The following PLAC1 variants were observed in gnomAD, a reference collection of about 807,000 sequenced individuals.
PLAC1 encodes the protein placenta associated 1.
For missense variants in PLAC1, 136 were observed against 163.2 expected (o/e 0.83, Z 0.91); for synonymous variants, 68 against 62.1 (o/e 1.09, Z -0.44).
intron 1 of PLAC1, among the ~76,000 whole-genome samples, chrX:134,735,088 T>C (rs375841676): frequency 8.0e-5 from 9 of 112,003 alleles, no homozygotes; most frequent in African/African-American, 2.9e-4. Context: ...ATATCACCTA[T>C]ATTTTCTTGT....
At chrX:134,610,510 C>G (rs1482385286) in intron 1 of PLAC1, among the ~76,000 whole-genome samples, 2 of 111,709 alleles carry the variant, frequency 1.8e-5, no homozygotes, top group Non-Finnish European at 3.8e-5. Context: ...TCCCAGGAAT[C>G]CTTGTCAACG....
chrX:134,580,971 A>G (rs1158008780), intron 2 of PLAC1, among the ~76,000 whole-genome samples: 2 of 112,116 alleles, frequency 1.8e-5, no homozygotes, highest in African/African-American at 3.2e-5. Flanking sequence ...GACTCACCCA[A>G]TAAATCTTCC....
chrX:134,596,611 T>C (rs2078063290), intron 2 of PLAC1, among the ~76,000 whole-genome samples: 1 of 111,949 alleles, frequency 8.9e-6, no homozygotes, highest in Admixed American at 9.5e-5. Flanking sequence ...CTTTTCTTTT[T>C]TGAGACAGAG....
chrX:134,698,970 C>T, intron 2 of PLAC1, among the ~76,000 whole-genome samples: 1 of 111,461 alleles, frequency 9.0e-6, no homozygotes, highest in Non-Finnish European at 1.9e-5. Context: ...CTCCTCTTTT[C>T]CTTACCCTCA....
At chrX:134,587,366 G>A (rs2078009219) in intron 2 of PLAC1, among the ~76,000 whole-genome samples, 1 of 109,295 alleles carries the variant, frequency 9.1e-6, no homozygotes, top group Non-Finnish European at 1.9e-5. Context: ...AGACCAGCTT[G>A]GGCAACAAAA....
chrX:134,619,246 A>G (rs775567515), intron 1 of PLAC1, among the ~76,000 whole-genome samples: 102 of 112,519 alleles, frequency 9.1e-4, no homozygotes, highest in African/African-American at 3.1e-3. Flanking sequence ...CCTCTCAGAA[A>G]AGTATGTAAA....
chrX:134,606,123 TC>T (rs1345412115), intron 1 of PLAC1: 1 of 109,824 alleles, frequency 9.1e-6, no homozygotes, highest in Non-Finnish European at 1.9e-5. Context: ...GCACCTGTAG[TC>T]CCAGCTACTC....
At chrX:134,613,810 C>T (rs2078165812) in intron 1 of PLAC1, among the ~76,000 whole-genome samples, 1 of 110,443 alleles carries the variant, frequency 9.1e-6, no homozygotes, top group South Asian at 4.0e-4. Context: ...TTACTCCTGG[C>T]TCCCAGCTGG....
intron 2 of PLAC1, among the ~76,000 whole-genome samples, chrX:134,672,206 G>C (rs1257112343): frequency 8.9e-6 from 1 of 112,322 alleles, no homozygotes; most frequent in African/African-American, 3.2e-5. Context: ...AGTCCAAGGA[G>C]AGGAAGTATA....
At chrX:134,637,396 C>T (rs1453186873) in intron 1 of PLAC1, among the ~76,000 whole-genome samples, 1 of 111,882 alleles carries the variant, frequency 8.9e-6, no homozygotes, top group African/African-American at 3.3e-5. Flanking sequence ...TGCAAGTATT[C>T]TTCTCTGTTG....
In PLAC1 at chrX:134,597,382, G is replaced by T. The variant is rs373848107; in HGVS notation, c.-59+4669C>A. Among the ~76,000 whole-genome samples the T allele has an allele frequency of 1.8e-4, 20 of 111,796 alleles. No individual in the cohort carries two copies. The East Asian group carries it at 4.5e-3, about 25-fold the overall frequency. On this transcript the variant is annotated intron_variant, in intron 2 of 2. Transcript: ENST00000359237. ...TTACTGAGACTTTCCGTTTTTATTT[G>T]TTCCAAGCATGTTTGTAATTGCTCA...
chrX:134,586,190 G>A (rs1332206556), intron 2 of PLAC1, among the ~76,000 whole-genome samples: 3 of 111,612 alleles, frequency 2.7e-5, no homozygotes, highest in African/African-American at 9.8e-5. Context: ...CCAACAACTG[G>A]CATTTTCCTG....
At chrX:134,665,071 A>AGTGTGTGTGT (rs59815179) in intron 2 of PLAC1, among the ~76,000 whole-genome samples, 12 of 103,849 alleles carry the variant, frequency 1.2e-4, no homozygotes, top group African/African-American at 3.9e-4. Context: ...GTGATTTTGG[A>AGTGTGTGTGT]GTGTGTGTGT....
chrX:134,580,231 T>G (rs2077967599), intron 2 of PLAC1, among the ~76,000 whole-genome samples: 1 of 112,267 alleles, frequency 8.9e-6, no homozygotes, highest in Non-Finnish European at 1.9e-5. Flanking sequence ...AAACCTTTCA[T>G]CATAGGCAGT....
intron 2 of PLAC1, among the ~76,000 whole-genome samples, chrX:134,568,149 G>T (rs946659115): frequency 8.9e-6 from 1 of 112,551 alleles, no homozygotes; most frequent in Non-Finnish European, 1.9e-5. Flanking sequence ...AAGTGAAAAT[G>T]ACATAAATCA....
At position 134,721,850 on chromosome X, in the gene PLAC1, A is replaced by C. The variant is rs895511952; in HGVS notation, n.174+11585T>G. On this transcript the variant is annotated intron_variant and non_coding_transcript_variant, in intron 2 of 2. Coordinates refer to the PLAC1 transcript ENST00000466797. ...TGCACTCCAGCCTGGGTGACACAGC[A>C]AGACTCCGTCTCAAAAAAAATAAAA... 2.4e-4 allele frequency among the ~76,000 whole-genome samples: 27 copies of C among 111,023 alleles called. 1 individual carries two copies. Among genetic ancestry groups the C allele is most frequent in the African/African-American group, 8.5e-4 (26 of 30,566 alleles).
intron 1 of PLAC1, among the ~76,000 whole-genome samples, chrX:134,629,062 AT>A (rs1158576213): frequency 9.0e-6 from 1 of 111,596 alleles, no homozygotes; most frequent in African/African-American, 3.3e-5. Context: ...AAAATAATTG[AT>A]TTTTCCATTT....
intron 1 of PLAC1, among the ~76,000 whole-genome samples, chrX:134,611,502 T>C (rs1212926109): frequency 1.7e-5 from 1 of 57,433 alleles, no homozygotes; most frequent in African/African-American, 8.7e-5. Context: ...TATAGATATA[T>C]ATATACACAC....
intron 2 of PLAC1, among the ~76,000 whole-genome samples, chrX:134,583,168 C>T (rs2077982670): frequency 1.8e-5 from 2 of 111,421 alleles, no homozygotes; most frequent in African/African-American, 6.5e-5. Context: ...AAACAGAGTT[C>T]ATAGCACCTT....
Sources: allele counts gnomAD v4.1 joint callset (sites outside exome capture counted in the v4.1 genomes callset), GRCh38; gene constraint gnomAD v4.1.1; transcripts MANE v1.5; gene names NCBI Gene and HGNC (gene_info 2026-07-23, HGNC 2026-07-21).